LDLRAD4: variants seen among roughly 807,000 people sequenced by gnomAD.
LDLRAD4 encodes low-density lipoprotein receptor class A domain-containing protein 4.
A neutral mutation model predicts 17.0 loss-of-function variants in LDLRAD4; 5 were observed. The ratio of observed to expected loss-of-function variants is 0.29; its 90% CI spans 0.15 to 0.62. The LOEUF is 0.62. Ranked by LOEUF, LDLRAD4 falls within the 20% of genes least tolerant of loss-of-function variation. The pLI, the probability that LDLRAD4 is intolerant of heterozygous loss-of-function variation, is 0.84. For synonymous variants in LDLRAD4, 168 were observed against 171.8 expected (o/e 0.98, Z 0.17); for missense variants, 340 against 424.7 (o/e 0.80, Z 1.75).
intron 2 of LDLRAD4, among the ~76,000 whole-genome samples, chr18:13,399,450 A>G (rs2086973556): frequency 6.6e-6 from 1 of 152,194 alleles, no homozygotes; most frequent in Non-Finnish European, 1.5e-5. Flanking sequence ...TATGCAGATA[A>G]AGCACTTGCA....
intron 1 of LDLRAD4, chr18:13,279,533 G>A (rs1181661740): frequency 6.6e-6 from 1 of 152,160 alleles, no homozygotes; most frequent in Non-Finnish European, 1.5e-5. Context: ...ACTGGACTAT[G>A]CCCCCGAAGA....
At chr18:13,312,830 A>C (rs1241238983) in intron 1 of LDLRAD4, among the ~76,000 whole-genome samples, 1 of 152,200 alleles carries the variant, frequency 6.6e-6, no homozygotes, top group Non-Finnish European at 1.5e-5. Context: ...AAAGTATATG[A>C]ATGAGATACC....
chr18:13,587,154 C>T (rs1247096412), intron 3 of LDLRAD4, among the ~76,000 whole-genome samples: 15 of 152,312 alleles, frequency 9.8e-5, no homozygotes, highest in African/African-American at 3.6e-4. Context: ...CTGTAAAACC[C>T]AGACTGCTGG....
chr18:13,548,879 C>T (rs973021848), intron 3 of LDLRAD4, among the ~76,000 whole-genome samples: 1 of 152,244 alleles, frequency 6.6e-6, no homozygotes, highest in Non-Finnish European at 1.5e-5. Context: ...CCATTGCTGC[C>T]ATCATTTGTA....
At chr18:13,276,006 T>TTTTA (rs1378563467), upstream of LDLRAD4, among the ~76,000 whole-genome samples, 17 of 152,178 alleles carry the variant, frequency 1.1e-4, no homozygotes, top group Non-Finnish European at 1.6e-4. Flanking sequence ...TACTAAGTTA[T>TTTTA]TTTATTTATT....
In LDLRAD4 at chr18:13,228,710, T is replaced by C. The variant is rs753826804; in HGVS notation, c.-467+9722T>C. Among the ~76,000 whole-genome samples, 4 of 152,288 alleles carry C rather than the reference T, an allele frequency of 2.6e-5. No individual in the cohort carries two copies. In the East Asian group the frequency reaches 5.8e-4, roughly 22 times the overall value. On this transcript the variant is annotated intron_variant, in intron 1 of 5. Coordinates refer to the LDLRAD4 transcript ENST00000399848. ...TCTCTACAAAAAAAATGTTAAAAAATTGTGCCCCTAAAACACTTAGCTTTC... is the reference window on the plus strand; with the variant it reads ...TCTCTACAAAAAAAATGTTAAAAAACTGTGCCCCTAAAACACTTAGCTTTC...
chr18:13,265,987 T>C (rs142625949), intron 1 of LDLRAD4, among the ~76,000 whole-genome samples: 1 of 152,288 alleles, frequency 6.6e-6, no homozygotes, highest in East Asian at 1.9e-4. Context: ...AGCTCTGGTT[T>C]TAAGCATCGA....
At chr18:13,346,252 G>T (rs1568032028) in intron 1 of LDLRAD4, among the ~76,000 whole-genome samples, 1 of 152,160 alleles carries the variant, frequency 6.6e-6, no homozygotes, top group Non-Finnish European at 1.5e-5. Flanking sequence ...TGCTTTGAAT[G>T]TGTCCCAGAG....
chr18:13,457,583 A>G (rs1416341423), intron 3 of LDLRAD4, among the ~76,000 whole-genome samples: 1 of 152,128 alleles, frequency 6.6e-6, no homozygotes, highest in Non-Finnish European at 1.5e-5. Context: ...AAGGTTGGGG[A>G]AGTTCTGTTT....
At chr18:13,352,143 C>A (rs9952061) in intron 1 of LDLRAD4, among the ~76,000 whole-genome samples, 8,667 of 152,034 alleles carry the variant, frequency 0.057, 831 homozygotes, top group African/African-American at 0.2. Flanking sequence ...TATGACAGAC[C>A]CACAGCCAAA....
At chr18:13,332,743 T>A (rs1490253652) in intron 1 of LDLRAD4, among the ~76,000 whole-genome samples, 1 of 127,806 alleles carries the variant, frequency 7.8e-6, no homozygotes, top group African/African-American at 3.2e-5. Flanking sequence ...TCATTTTTTT[T>A]GTTTTTTTTT....
At chr18:13,384,216 A>G (rs78509213) in intron 1 of LDLRAD4, among the ~76,000 whole-genome samples, 1,680 of 152,272 alleles carry the variant, frequency 0.011, 39 homozygotes, top group African/African-American at 0.039. Context: ...TTTGATCCAC[A>G]TTGGCCTCAG....
At chr18:13,276,035 G>T (rs576893902), upstream of LDLRAD4, among the ~76,000 whole-genome samples, 2 of 152,088 alleles carry the variant, frequency 1.3e-5, no homozygotes, top group Non-Finnish European at 2.9e-5. Context: ...TTGAGATAGG[G>T]TCTTATTCTG....
At chr18:13,556,702 G>A (rs997625513) in intron 3 of LDLRAD4, among the ~76,000 whole-genome samples, 1 of 152,228 alleles carries the variant, frequency 6.6e-6, no homozygotes, top group East Asian at 1.9e-4. Flanking sequence ...TGGGATACAC[G>A]GGAATATGTT....
At chr18:13,355,152 G>C (rs1052770433) in intron 1 of LDLRAD4, among the ~76,000 whole-genome samples, 2 of 152,228 alleles carry the variant, frequency 1.3e-5, no homozygotes. Flanking sequence ...TGAGGCGCGT[G>C]CTCCTGCACT....
At chr18:13,562,566 C>T (rs560274182) in intron 3 of LDLRAD4, among the ~76,000 whole-genome samples, 12 of 152,290 alleles carry the variant, frequency 7.9e-5, no homozygotes, top group African/African-American at 2.6e-4. Context: ...ACCACCCACG[C>T]GGTCCGTCAG....
At chr18:13,420,078 G>A (rs1451989858) in intron 2 of LDLRAD4, 2 of 152,094 alleles carry the variant, frequency 1.3e-5, no homozygotes, top group African/African-American at 2.4e-5. Flanking sequence ...TTAAAAGGGG[G>A]GTTCTCAGGA....
rs1183274512 is a variant in LDLRAD4 at position 13,642,928 on chromosome 18, G to T, written c.337-431G>T. 1.5e-3 allele frequency among the ~76,000 whole-genome samples: 198 copies of T among 133,798 alleles called. 1 individual carries two copies. The highest frequency in any genetic ancestry group is 7.0e-3 in the East Asian group (33 of 4,736). 87.8% of individuals were successfully genotyped at this position (133,798 alleles called of 152,430 possible). ...TTGTTTGTTTGTTTATCTATTTTTT[G>T]TTTTTTTTTTTTCTTCTGTTTTTTT... On this transcript the variant is annotated intron_variant, in intron 4 of 5. Coordinates refer to ENST00000359446, the Ensembl canonical transcript of LDLRAD4.
At chr18:13,588,304 C>A (rs897991317) in intron 3 of LDLRAD4, among the ~76,000 whole-genome samples, 11 of 152,180 alleles carry the variant, frequency 7.2e-5, no homozygotes, top group Non-Finnish European at 1.2e-4. Flanking sequence ...TCAATAATTT[C>A]ATCTTGAACC....
Sources: gnomAD v4.1 joint callset for allele counts (sites outside exome capture counted in the v4.1 genomes callset) on GRCh38, gnomAD v4.1.1 for gene constraint, MANE v1.5 for transcripts, NCBI Gene and HGNC (gene_info 2026-07-23, HGNC 2026-07-21) for gene names.